FAM13A: variants seen among roughly 807,000 people sequenced by gnomAD.
FAM13A encodes protein FAM13A.
FAM13A carries 76 observed loss-of-function variants against 129.6 expected under a neutral mutation model. The observed-to-expected ratio is 0.59, with a 90% confidence interval of 0.49 to 0.71. The LOEUF is 0.71. FAM13A is among the 30% of genes least tolerant of loss of function. The probability of loss-of-function intolerance (pLI) is 0.00; values close to 1 mark genes in which losing one functional copy is unlikely to be tolerated. For missense variants in FAM13A, 1,108 were observed against 1,249.3 expected, an observed-to-expected ratio of 0.89 and a Z score of 1.70; for synonymous variants, 443 against 449.9, an observed-to-expected ratio of 0.98 and a Z score of 0.20.
chr4:88,835,272 C>A (rs1184981190), intron 7 of FAM13A, among the ~76,000 whole-genome samples: 1 of 152,138 alleles, frequency 6.6e-6, no homozygotes, highest in Non-Finnish European at 1.5e-5. Context: ...TCATACCCAT[C>A]CATCAAAACA....
At chr4:88,874,975 G>A (rs1742124173) in intron 6 of FAM13A, among the ~76,000 whole-genome samples, 1 of 152,158 alleles carries the variant, frequency 6.6e-6, no homozygotes, top group Admixed American at 6.5e-5. Context: ...AGAGGCCTCA[G>A]AAATAACACC....
chr4:88,732,216 C>T lies in FAM13A; in HGVS notation c.2647-18G>A, dbSNP rs1346897526. 6.4e-7 allele frequency: 1 copy of T among 1,566,448 alleles called. No individual in the cohort carries two copies. The highest frequency in any genetic ancestry group is 8.7e-7 in the Non-Finnish European group (1 of 1,155,018). On this transcript the variant is annotated intron_variant, in intron 21 of 23. Coordinates refer to ENST00000264344, the MANE Select transcript of FAM13A (RefSeq NM_014883.4). ...TCTTCTTCCTGGAGATACACAGCAA[C>T]CCCAATAAAAATCTGGTCACTTTTT... is the stretch of plus-strand genomic sequence containing the variant.
At chr4:88,804,510 A>T (rs1312935744) in intron 8 of FAM13A, among the ~76,000 whole-genome samples, 3 of 152,136 alleles carry the variant, frequency 2.0e-5, no homozygotes, top group Admixed American at 2.0e-4. Context: ...AATTCTGTTA[A>T]TTTACCTGCT....
intron 6 of FAM13A, among the ~76,000 whole-genome samples, chr4:88,903,928 GA>G (rs548622749): frequency 5.9e-5 from 9 of 151,656 alleles, no homozygotes; most frequent in Non-Finnish European, 1.2e-4. Context: ...ACATTTATAA[GA>G]AAAAAAATCC....
intron 5 of FAM13A, among the ~76,000 whole-genome samples, chr4:88,933,783 C>A (rs1455054174): frequency 6.6e-6 from 1 of 152,108 alleles, no homozygotes; most frequent in East Asian, 1.9e-4. Flanking sequence ...TAATACATTG[C>A]CCTACTTCTG....
chr4:88,769,265 A>T (rs1191712623), intron 11 of FAM13A, among the ~76,000 whole-genome samples: 1 of 152,224 alleles, frequency 6.6e-6, no homozygotes, highest in African/African-American at 2.4e-5. Flanking sequence ...AGACAGCTGA[A>T]TTATTTTCCA....
intron 7 of FAM13A, among the ~76,000 whole-genome samples, chr4:88,828,351 T>C (rs916024856): frequency 2.0e-5 from 3 of 152,152 alleles, no homozygotes; most frequent in Non-Finnish European, 4.4e-5. Flanking sequence ...TTGCCCAGGC[T>C]GGTCTTGAAC....
At chr4:89,009,241 G>A (rs1398942) in intron 3 of FAM13A, among the ~76,000 whole-genome samples, 57,900 of 152,074 alleles carry the variant, frequency 0.38, 12,059 homozygotes, top group Middle Eastern at 0.54. Flanking sequence ...TATGTGGCCT[G>A]AGTCACGTAG....
At chr4:88,900,287 A>G (rs1579187883) in intron 6 of FAM13A, among the ~76,000 whole-genome samples, 1 of 152,118 alleles carries the variant, frequency 6.6e-6, no homozygotes, top group Admixed American at 6.5e-5. Flanking sequence ...AATTCGGGAA[A>G]TCCAGAGAAC....
intron 19 of FAM13A, among the ~76,000 whole-genome samples, chr4:88,745,768 T>G (rs1741184125): frequency 6.6e-6 from 1 of 152,258 alleles, no homozygotes; most frequent in Non-Finnish European, 1.5e-5. Flanking sequence ...AAACAAAGCT[T>G]GGCTGAAACA....
At chr4:88,968,761 G>C (rs1759685608) in intron 4 of FAM13A, among the ~76,000 whole-genome samples, 1 of 152,030 alleles carries the variant, frequency 6.6e-6, no homozygotes, top group Non-Finnish European at 1.5e-5. Context: ...AGACAGAAGA[G>C]CTTAAATCAT....
rs1736747226 is a variant in FAM13A, at chr4:88,727,954, G to A, written c.*579C>T. The A allele has an allele frequency of 6.5e-6, 1 of 152,806 alleles. No homozygotes were observed. Among genetic ancestry groups the A allele is most frequent in the South Asian group, 2.1e-4 (1 of 4,838 alleles). 9.5% of individuals were successfully genotyped at this position (152,806 alleles called of 1,614,324 possible). A position where few individuals can be genotyped will look rare whatever the true frequency, so the allele number is the denominator to read the frequency against. ...CAGATGCAGCTTCCATCTACCTGAG[G>A]GCTGAAGGGGAAAACCTTTCACACA... On this transcript the variant is annotated 3_prime_UTR_variant, in exon 24 of 24. Transcript: ENST00000264344.
At chr4:88,957,699 T>G (rs1271364174) in intron 4 of FAM13A, among the ~76,000 whole-genome samples, 2 of 152,104 alleles carry the variant, frequency 1.3e-5, no homozygotes, top group Non-Finnish European at 2.9e-5. Context: ...TCTTAGAGAT[T>G]TGTTAAGTGG....
chr4:88,925,721 T>C (rs1384649654), intron 5 of FAM13A, among the ~76,000 whole-genome samples: 5 of 151,014 alleles, frequency 3.3e-5, no homozygotes, highest in African/African-American at 1.2e-4. Context: ...TAAATAAAAA[T>C]AAAAAAAGAG....
At position 88,941,313 on chromosome 4, in the gene FAM13A, C is replaced by G. The variant is rs115062370; in HGVS notation, c.606-3072G>C. On this transcript the variant is annotated intron_variant, in intron 4 of 23. Coordinates refer to ENST00000264344, the MANE Select transcript of FAM13A (RefSeq NM_014883.4). ...TGTTTTAATCCTTAACCTGAAATAA[C>G]CTAATGTTAACCAAACAGTTATTTT... 7.4e-3 allele frequency among the ~76,000 whole-genome samples: 1,122 copies of G among 152,274 alleles called. 18 individuals carry two copies. The highest frequency in any genetic ancestry group is 0.025 in the African/African-American group (1,050 of 41,566).
chr4:88,966,223 C>T (rs1250447002), intron 4 of FAM13A, among the ~76,000 whole-genome samples: 2 of 152,234 alleles, frequency 1.3e-5, no homozygotes, highest in Admixed American at 1.3e-4. Flanking sequence ...TAGATTAATT[C>T]TGGGTGATTG....
chr4:88,902,301 C>CA (rs1747422651), intron 6 of FAM13A, among the ~76,000 whole-genome samples: 1 of 151,852 alleles, frequency 6.6e-6, no homozygotes, highest in African/African-American at 2.4e-5. Context: ...AGAGATACAA[C>CA]AAAAAAAGAA....
intron 4 of FAM13A, among the ~76,000 whole-genome samples, chr4:88,981,772 G>C (rs1018908512): frequency 3.3e-5 from 5 of 152,204 alleles, no homozygotes; most frequent in Admixed American, 3.3e-4. Flanking sequence ...TTGCTTGGCA[G>C]TCTGGAATTC....
chr4:88,865,176 GTTA>G (rs1740169781), intron 6 of FAM13A, among the ~76,000 whole-genome samples: 1 of 152,040 alleles, frequency 6.6e-6, no homozygotes. Context: ...TACATTGTCT[GTTA>G]TTATTTTTGC....
Sources: allele counts gnomAD v4.1 joint callset (sites outside exome capture counted in the v4.1 genomes callset), GRCh38; gene constraint gnomAD v4.1.1; transcripts MANE v1.5; gene names NCBI Gene and HGNC (gene_info 2026-07-23, HGNC 2026-07-21).